The following NCAM2 variants were observed in gnomAD, a reference collection of about 807,000 sequenced individuals.
NCAM2 encodes the protein N-CAM-2.
Under a neutral mutation model 98.1 loss-of-function variants are expected in NCAM2, and 30 were observed. That is an observed-to-expected ratio of 0.31 (90% CI 0.23 to 0.41). The LOEUF (loss-of-function observed/expected upper bound fraction) is 0.41, where lower values mean the gene tolerates loss of function less well. Among genes scored for constraint, NCAM2 ranks in the 10% least tolerant of loss-of-function variants. NCAM2 has a pLI of 1.00. For synonymous variants in NCAM2, 368 were observed against 342.4 expected, an observed-to-expected ratio of 1.07 and a Z score of -0.83; for missense variants, 867 against 1,005.8, an observed-to-expected ratio of 0.86 and a Z score of 1.87.
intron 1 of NCAM2, among the ~76,000 whole-genome samples, chr21:21,077,802 A>G (rs1253690125): frequency 2.0e-5 from 3 of 152,166 alleles, no homozygotes; most frequent in Non-Finnish European, 4.4e-5. Context: ...TTTATATCAC[A>G]TAAGTATATT....
rs541176215 is a variant in NCAM2, at chr21:21,354,009, C to A, written c.1044+15475C>A. Among the ~76,000 whole-genome samples the A allele has an allele frequency of 4.0e-4, 61 of 152,148 alleles. No homozygotes were observed. In the South Asian group the frequency reaches 0.013, roughly 32 times the overall value. Reference sequence around the variant, plus strand: ...TAGTATTAAATTGAAGTAAAAAGTTCTACCGAGGGAGTGATTTTGCCTCTA... The same window carrying A: ...TAGTATTAAATTGAAGTAAAAAGTTATACCGAGGGAGTGATTTTGCCTCTA... On this transcript the variant is annotated intron_variant, in intron 8 of 17. Coordinates refer to ENST00000400546, the MANE Select transcript of NCAM2 (RefSeq NM_004540.5).
intron 1 of NCAM2, among the ~76,000 whole-genome samples, chr21:21,100,416 T>C (rs1335289047): frequency 6.6e-6 from 1 of 151,902 alleles, no homozygotes; most frequent in Non-Finnish European, 1.5e-5. Context: ...AGGCATATCT[T>C]TGTGGATGCT....
chr21:21,355,487 G>GAA (rs1568971720), intron 8 of NCAM2, among the ~76,000 whole-genome samples: 1 of 344 alleles, frequency 2.9e-3, no homozygotes, highest in African/African-American at 0.013. Context: ...AAAAAAAGGA[G>GAA]AGAAAGAAAG....
chr21:21,250,403 T>G (rs1372989285), intron 1 of NCAM2, among the ~76,000 whole-genome samples: 4 of 152,334 alleles, frequency 2.6e-5, no homozygotes, highest in Non-Finnish European at 5.9e-5. Context: ...CCATAGGTGC[T>G]GTGTATTTAC....
intron 1 of NCAM2, among the ~76,000 whole-genome samples, chr21:21,069,460 T>C (rs1415888483): frequency 6.6e-6 from 1 of 152,222 alleles, no homozygotes; most frequent in East Asian, 1.9e-4. Flanking sequence ...TTAATTATCT[T>C]TCTGATAGCA....
At chr21:21,156,581 T>TAGAC (rs1275949558) in intron 1 of NCAM2, among the ~76,000 whole-genome samples, 1 of 140,714 alleles carries the variant, frequency 7.1e-6, no homozygotes, top group East Asian at 2.0e-4. Flanking sequence ...AGATAGATTA[T>TAGAC]AGATAGATAG....
chr21:21,351,045 C>T (rs8129403), intron 8 of NCAM2, among the ~76,000 whole-genome samples: 3,589 of 128,568 alleles, frequency 0.028, 143 homozygotes, highest in African/African-American at 0.1. Flanking sequence ...ACGCGGGAGG[C>T]GGAGGTTGCA....
chr21:21,138,375 T>A (rs1171277982), intron 1 of NCAM2, among the ~76,000 whole-genome samples: 1 of 152,202 alleles, frequency 6.6e-6, no homozygotes, highest in Non-Finnish European at 1.5e-5. Context: ...CAGATAGATG[T>A]GTTTGACCTG....
chr21:21,451,126 C>G (rs1248267978), intron 12 of NCAM2, among the ~76,000 whole-genome samples: 1 of 152,060 alleles, frequency 6.6e-6, no homozygotes, highest in Non-Finnish European at 1.5e-5. Context: ...ATCAGTCACG[C>G]CTCTCTGTCT....
intron 1 of NCAM2, among the ~76,000 whole-genome samples, chr21:21,050,863 G>C (rs904771214): frequency 6.6e-5 from 10 of 152,118 alleles, no homozygotes; most frequent in African/African-American, 2.4e-4. Context: ...TCTTTCTCGA[G>C]GTTGTAGGAA....
chr21:21,144,217 T>C (rs1264980303), intron 1 of NCAM2, among the ~76,000 whole-genome samples: 1 of 151,744 alleles, frequency 6.6e-6, no homozygotes, highest in Non-Finnish European at 1.5e-5. Flanking sequence ...GGTGTGGTGG[T>C]GCATGCCTGT....
intron 1 of NCAM2, among the ~76,000 whole-genome samples, chr21:21,015,863 CT>C (rs2064297655): frequency 6.6e-6 from 1 of 151,936 alleles, no homozygotes; most frequent in Non-Finnish European, 1.5e-5. Flanking sequence ...GCCACCATGC[CT>C]GGCTAATTTT....
intron 1 of NCAM2, among the ~76,000 whole-genome samples, chr21:21,247,494 G>T (rs575036531): frequency 1.6e-3 from 243 of 152,288 alleles, no homozygotes; most frequent in African/African-American, 5.5e-3. Context: ...TTGGGTGAAT[G>T]AAAATCTATC....
chr21:21,180,964 A>T (rs1046888863), intron 1 of NCAM2, among the ~76,000 whole-genome samples: 1 of 152,142 alleles, frequency 6.6e-6, no homozygotes, highest in Non-Finnish European at 1.5e-5. Flanking sequence ...GAATGTTATG[A>T]TATTCTGTGA....
At chr21:21,135,475 C>G (rs193230330) in intron 1 of NCAM2, among the ~76,000 whole-genome samples, 150 of 152,252 alleles carry the variant, frequency 9.9e-4, no homozygotes, top group Non-Finnish European at 1.8e-3. Flanking sequence ...TGAAACACCT[C>G]GATAGAACTG....
intron 9 of NCAM2, among the ~76,000 whole-genome samples, chr21:21,377,590 A>T (rs2076061630): frequency 6.6e-6 from 1 of 151,960 alleles, no homozygotes; most frequent in Non-Finnish European, 1.5e-5. Context: ...CAATAATTGT[A>T]TCCATTTATG....
intron 1 of NCAM2, among the ~76,000 whole-genome samples, chr21:21,072,237 G>A (rs1316509270): frequency 6.6e-6 from 1 of 151,970 alleles, no homozygotes; most frequent in Non-Finnish European, 1.5e-5. Context: ...TGAGGGTAGC[G>A]AATATGACAT....
At chr21:21,452,859 A>G (rs1232971321) in intron 12 of NCAM2, among the ~76,000 whole-genome samples, 1 of 103,448 alleles carries the variant, frequency 9.7e-6, no homozygotes, top group Non-Finnish European at 1.7e-5. Flanking sequence ...ATTATATATG[A>G]ATAAACATTT....
chr21:21,255,422 T>C (rs1011223601), intron 1 of NCAM2, among the ~76,000 whole-genome samples: 1 of 152,252 alleles, frequency 6.6e-6, no homozygotes, highest in Non-Finnish European at 1.5e-5. Context: ...CTCTGCTCAC[T>C]TCTGCCTCTC....
Sources: allele counts gnomAD v4.1 joint callset (sites outside exome capture counted in the v4.1 genomes callset), GRCh38; gene constraint gnomAD v4.1.1; transcripts MANE v1.5; gene names NCBI Gene and HGNC (gene_info 2026-07-23, HGNC 2026-07-21).